Variants in FCHSD2 observed in about 807,000 individuals in gnomAD.
FCHSD2 encodes FCH and double SH3 domains 2, also known as F-BAR and double SH3 domains protein 2.
FCHSD2 carries 38 observed loss-of-function variants against 108.1 expected under a neutral mutation model. The observed-to-expected ratio is 0.35, with a 90% CI of 0.27 to 0.46. The LOEUF (loss-of-function observed/expected upper bound fraction) is 0.46. Ranked by LOEUF, FCHSD2 falls within the 20% of genes least tolerant of loss-of-function variation. The pLI is 1.00. For synonymous variants in FCHSD2, 279 were observed against 314.7 expected (o/e 0.89, Z 1.20); for missense variants, 751 against 897.8 (o/e 0.84, Z 2.09).
In FCHSD2 at chr11:73,071,103, C is replaced by G. The variant is rs561901278; in HGVS notation, c.165+12592G>C. On this transcript the variant is annotated intron_variant, in intron 3 of 19. Coordinates refer to ENST00000409418, the MANE Select transcript of FCHSD2 (RefSeq NM_014824.3). ...ACAATATTACTAAAAGATGGTCTAC[C>G]AATTATTTTACAAGAACACTTTTGG... Among the ~76,000 whole-genome samples the G allele has an allele frequency of 7.2e-5, 11 of 152,138 alleles. No homozygotes were observed. In the South Asian group the frequency reaches 1.9e-3, roughly 26 times the overall value.
intron 5 of FCHSD2, among the ~76,000 whole-genome samples, chr11:72,995,951 T>C (rs945848809): frequency 4.6e-5 from 7 of 152,034 alleles, no homozygotes; most frequent in Non-Finnish European, 8.8e-5. Context: ...CCAAACCCAG[T>C]TGTATAATTA....
At chr11:73,006,305 C>G (rs1029052708) in intron 4 of FCHSD2, among the ~76,000 whole-genome samples, 22 of 152,174 alleles carry the variant, frequency 1.4e-4, no homozygotes, top group African/African-American at 4.8e-4. Flanking sequence ...ACCTTTACAC[C>G]TAACATGTAC....
chr11:73,062,232 A>T (rs570771448), intron 3 of FCHSD2, among the ~76,000 whole-genome samples: 2 of 152,344 alleles, frequency 1.3e-5, no homozygotes, highest in African/African-American at 4.8e-5. Context: ...TCAGAAGGAA[A>T]ACTAACAAAC....
At chr11:73,044,728 G>A (rs1320065734) in intron 3 of FCHSD2, among the ~76,000 whole-genome samples, 2 of 152,166 alleles carry the variant, frequency 1.3e-5, no homozygotes, top group African/African-American at 2.4e-5. Context: ...AGTGCACATA[G>A]TACATGCAAT....
chr11:73,032,381 G>A (rs1161428834), intron 3 of FCHSD2, among the ~76,000 whole-genome samples: 1 of 151,922 alleles, frequency 6.6e-6, no homozygotes, highest in Non-Finnish European at 1.5e-5. Context: ...GGTGTGCATT[G>A]CCTGGTTAAT....
At chr11:72,865,464 C>T (rs1329855173) in intron 13 of FCHSD2, among the ~76,000 whole-genome samples, 1 of 152,132 alleles carries the variant, frequency 6.6e-6, no homozygotes, top group Admixed American at 6.5e-5. Flanking sequence ...GCAAAATGCT[C>T]CCTTCACAGA....
chr11:73,138,308 C>G (rs1286538909), intron 2 of FCHSD2, among the ~76,000 whole-genome samples: 1 of 152,200 alleles, frequency 6.6e-6, no homozygotes, highest in African/African-American at 2.4e-5. Context: ...GACTGTCTGA[C>G]TGCAGTGTCC....
intron 5 of FCHSD2, among the ~76,000 whole-genome samples, chr11:72,991,415 A>G (rs1189345104): frequency 6.6e-6 from 1 of 152,220 alleles, no homozygotes; most frequent in Non-Finnish European, 1.5e-5. Context: ...ACAAAAAAAG[A>G]GAATTTTAGA....
intron 3 of FCHSD2, among the ~76,000 whole-genome samples, chr11:73,036,955 G>C (rs1178082444): frequency 6.6e-6 from 1 of 152,164 alleles, no homozygotes. Flanking sequence ...TCTGTAATTA[G>C]ATTTTAAATA....
At chr11:72,928,471 C>T (rs1856122295) in intron 8 of FCHSD2, among the ~76,000 whole-genome samples, 1 of 152,110 alleles carries the variant, frequency 6.6e-6, no homozygotes, top group Non-Finnish European at 1.5e-5. Flanking sequence ...ATTCTCTTGG[C>T]CTAGAATGTC....
intron 3 of FCHSD2, among the ~76,000 whole-genome samples, chr11:73,029,692 G>C (rs1054026549): frequency 6.6e-6 from 1 of 152,142 alleles, no homozygotes; most frequent in Admixed American, 6.5e-5. Flanking sequence ...AGTGACTTCC[G>C]GGGAACTTAA....
chr11:72,910,530 C>G (rs543885922), intron 9 of FCHSD2, among the ~76,000 whole-genome samples: 1 of 152,256 alleles, frequency 6.6e-6, no homozygotes, highest in Non-Finnish European at 1.5e-5. Flanking sequence ...TTACCCCCAA[C>G]CCCATGCTCT....
At chr11:73,023,027 C>T (rs1403856596) in intron 3 of FCHSD2, among the ~76,000 whole-genome samples, 1 of 152,066 alleles carries the variant, frequency 6.6e-6, no homozygotes, top group Non-Finnish European at 1.5e-5. Context: ...TGACACATAC[C>T]TCACGAGTTA....
At chr11:72,950,736 C>T (rs775568633) in intron 8 of FCHSD2, among the ~76,000 whole-genome samples, 1 of 152,130 alleles carries the variant, frequency 6.6e-6, no homozygotes, top group South Asian at 2.1e-4. Flanking sequence ...TATAAGAATA[C>T]TTAACTCCCA....
intron 14 of FCHSD2, among the ~76,000 whole-genome samples, chr11:72,844,950 A>G (rs1157371828): frequency 1.2e-4 from 19 of 152,212 alleles, no homozygotes; most frequent in Admixed American, 1.2e-3. Flanking sequence ...TTCCAATGGA[A>G]TTCCTTCACT....
chr11:72,902,602 C>T lies in FCHSD2; in HGVS notation c.865G>A (p.Glu289Lys). 6.3e-7 allele frequency: 1 copy of T among 1,584,236 alleles called. No individual in the cohort carries two copies. ...RDYNLQLFLQ[E>K]NAVFHKPQPF... is the part of the protein sequence containing the mutation. Reference sequence around the variant, plus strand: ...TGGGGTTTGTGAAATACAGCGTTTTCTTGCAAAAACAGCTGAAGATTGTAG... The same window carrying T: ...TGGGGTTTGTGAAATACAGCGTTTTTTTGCAAAAACAGCTGAAGATTGTAG... The change falls in exon 10 of 20, where the codon GAA (glutamate) becomes AAA (lysine). Residue 289 changes from glutamate to lysine, a missense_variant. By Grantham distance (56) the Glu-to-Lys change is moderately conservative. Transcript: ENST00000409418.
intron 8 of FCHSD2, among the ~76,000 whole-genome samples, chr11:72,980,170 C>G (rs971897367): frequency 2.0e-5 from 3 of 152,028 alleles, no homozygotes; most frequent in African/African-American, 7.3e-5. Context: ...AACCCACTTG[C>G]TAAGCATAAA....
intron 8 of FCHSD2, among the ~76,000 whole-genome samples, chr11:72,965,078 C>A (rs112011198): frequency 1.3e-5 from 2 of 152,112 alleles, no homozygotes; most frequent in Admixed American, 1.3e-4. Context: ...CATGAGCCAC[C>A]GCGCCTGGCC....
intron 8 of FCHSD2, among the ~76,000 whole-genome samples, chr11:72,983,352 C>A (rs1405426217): frequency 2.0e-5 from 3 of 151,680 alleles, no homozygotes; most frequent in Non-Finnish European, 4.4e-5. Context: ...GCACCTGGAT[C>A]CCAGCTACTC....
Sources: gnomAD v4.1 joint callset for allele counts (sites outside exome capture counted in the v4.1 genomes callset) on GRCh38, gnomAD v4.1.1 for gene constraint, MANE v1.5 for transcripts, NCBI Gene and HGNC (gene_info 2026-07-23, HGNC 2026-07-21) for gene names.